Variants in LINGO2 observed in about 807,000 individuals in gnomAD.
LINGO2 encodes the protein leucine rich repeat and Ig domain containing 2, also known as leucine-rich repeat and immunoglobulin-like domain-containing nogo receptor-interacting protein 2.
A neutral mutation model predicts 30.6 loss-of-function variants in LINGO2; 14 were observed. The observed-to-expected ratio is 0.46, with a 90% CI of 0.30 to 0.72. The LOEUF (loss-of-function observed/expected upper bound fraction) is 0.72, where lower values mean the gene tolerates loss of function less well. LINGO2 is among the 30% of genes least tolerant of loss of function. LINGO2 has a pLI of 0.07. For missense variants in LINGO2, 729 were observed against 751.7 expected (o/e 0.97, Z 0.35); for synonymous variants, 317 against 288.5 (o/e 1.10, Z -1.00).
intron 2 of LINGO2, among the ~76,000 whole-genome samples, chr9:28,415,881 T>G (rs1277600185): frequency 6.6e-6 from 1 of 152,172 alleles, no homozygotes; most frequent in African/African-American, 2.4e-5. Context: ...TAATATCTTT[T>G]TAGTATATTT....
chr9:28,747,998 G>A, the LINGO2 span, among the ~76,000 whole-genome samples: 1 of 152,060 alleles, frequency 6.6e-6, no homozygotes, highest in Non-Finnish European at 1.5e-5. Context: ...GCAGGTATCT[G>A]CATACCACAG....
the LINGO2 span, among the ~76,000 whole-genome samples, chr9:29,087,778 G>GAA: frequency 7.3e-4 from 110 of 151,570 alleles, no homozygotes; most frequent in Middle Eastern, 0.01. Context: ...TCATTCCTTG[G>GAA]AAAAAAAAGG....
intron 4 of LINGO2, among the ~76,000 whole-genome samples, chr9:28,143,643 T>G (rs1382615416): frequency 6.6e-6 from 1 of 152,132 alleles, no homozygotes; most frequent in African/African-American, 2.4e-5. Flanking sequence ...AGTTGGTTTT[T>G]GTGTATGAAA....
At chr9:28,459,393 G>C (rs1395856226) in intron 2 of LINGO2, among the ~76,000 whole-genome samples, 1 of 152,086 alleles carries the variant, frequency 6.6e-6, no homozygotes, top group Non-Finnish European at 1.5e-5. Context: ...TTGGTAACAA[G>C]TTGAGAGTCA....
chr9:28,082,841 C>T lies in LINGO2; in HGVS notation c.-86-70436G>A, dbSNP rs140848300. Among the ~76,000 whole-genome samples, 1,373 of 152,158 alleles carry T rather than the reference C, an allele frequency of 9.0e-3. 11 individuals carry two copies. The highest frequency in any genetic ancestry group is 0.024 in the Middle Eastern group (7 of 294). On this transcript the variant is annotated intron_variant, in intron 4 of 5. Transcript: ENST00000379992. Reference sequence around the variant, plus strand: ...TCCTGCCATCTCATTATCCTTCAGTCGGTAAAATCAGAGCCAAAACACTAA... The same window carrying T: ...TCCTGCCATCTCATTATCCTTCAGTTGGTAAAATCAGAGCCAAAACACTAA...
At chr9:28,573,605 C>T (rs1365397749) in intron 1 of LINGO2, among the ~76,000 whole-genome samples, 1 of 152,154 alleles carries the variant, frequency 6.6e-6, no homozygotes, top group African/African-American at 2.4e-5. Context: ...AGGCCTTATA[C>T]TTTCAAGTCT....
At chr9:29,169,066 G>C in the LINGO2 span, among the ~76,000 whole-genome samples, 1 of 152,050 alleles carries the variant, frequency 6.6e-6, no homozygotes. Flanking sequence ...TCCTGCCTCA[G>C]CCTCCTGAGT....
intron 2 of LINGO2, among the ~76,000 whole-genome samples, chr9:28,425,475 C>T (rs1359226816): frequency 2.0e-5 from 3 of 151,810 alleles, no homozygotes; most frequent in Non-Finnish European, 4.4e-5. Flanking sequence ...TCTGATAGTA[C>T]TAAAGAAGTA....
the LINGO2 span, among the ~76,000 whole-genome samples, chr9:29,191,170 T>A: frequency 9.2e-5 from 14 of 152,262 alleles, no homozygotes; most frequent in South Asian, 2.7e-3. Context: ...GGACACCTGA[T>A]AAAATTTAAG....
In LINGO2 at chr9:28,309,597, AC is replaced by A. The variant is rs1391115698; in HGVS notation, c.-245-14232del. On this transcript the variant is annotated intron_variant, in intron 3 of 5. Transcript: ENST00000379992. ...TAAAGTATAATAATAATAAAAAAAA[AC>A]AAAACAAAAATTAGGGTAAGCTAAG... 2.8e-4 allele frequency among the ~76,000 whole-genome samples: 43 copies of A among 152,172 alleles called. No individual in the cohort carries two copies. In the Middle Eastern group the frequency reaches 0.01, roughly 36 times the overall value.
intron 1 of LINGO2, among the ~76,000 whole-genome samples, chr9:28,517,860 TCAAGGTA>T (rs1465184814): frequency 2.0e-5 from 3 of 152,154 alleles, no homozygotes; most frequent in Admixed American, 6.5e-5. Flanking sequence ...TAAATCATCC[TCAAGGTA>T]CAAAGATTCA....
the LINGO2 span, among the ~76,000 whole-genome samples, chr9:28,738,131 G>A: frequency 7.2e-5 from 11 of 152,092 alleles, no homozygotes; most frequent in Non-Finnish European, 1.3e-4. Context: ...AGTGTCCAGA[G>A]AGGACAAGAA....
At chr9:28,371,277 G>A (rs1263115614) in intron 3 of LINGO2, among the ~76,000 whole-genome samples, 1 of 152,178 alleles carries the variant, frequency 6.6e-6, no homozygotes, top group Non-Finnish European at 1.5e-5. Context: ...GAGAACACTA[G>A]TGTTTTAGTT....
At chr9:27,997,494 T>A (rs988475649) in intron 5 of LINGO2, among the ~76,000 whole-genome samples, 17 of 152,082 alleles carry the variant, frequency 1.1e-4, no homozygotes, top group Admixed American at 1.1e-3. Flanking sequence ...CCCTGCCCCT[T>A]GTTGGGCCTC....
the LINGO2 span, among the ~76,000 whole-genome samples, chr9:28,725,437 C>A: frequency 1.3e-5 from 2 of 151,224 alleles, no homozygotes; most frequent in Non-Finnish European, 3.0e-5. Context: ...AATATAAAGG[C>A]AATGAATGAA....
the LINGO2 span, among the ~76,000 whole-genome samples, chr9:28,950,375 A>G: frequency 5.9e-5 from 9 of 152,184 alleles, no homozygotes; most frequent in South Asian, 8.3e-4. Context: ...ATTCAACATA[A>G]TATCGGAAGT....
the LINGO2 span, among the ~76,000 whole-genome samples, chr9:29,104,399 G>A: frequency 6.6e-6 from 1 of 152,042 alleles, no homozygotes; most frequent in Non-Finnish European, 1.5e-5. Context: ...CAGAGCAGGA[G>A]AGAGAGGGCT....
the LINGO2 span, among the ~76,000 whole-genome samples, chr9:28,844,008 T>C: frequency 3.3e-5 from 5 of 151,842 alleles, no homozygotes; most frequent in Non-Finnish European, 4.4e-5. Context: ...CAGTGAATTC[T>C]ATGTACCTGT....
chr9:28,610,873 T>A (rs1437097128), intron 1 of LINGO2, among the ~76,000 whole-genome samples: 2 of 152,192 alleles, frequency 1.3e-5, no homozygotes, highest in Non-Finnish European at 2.9e-5. Context: ...ACCTTTTTTG[T>A]ATGGCAGATC....
Sources: gnomAD v4.1 joint callset for allele counts (sites outside exome capture counted in the v4.1 genomes callset) on GRCh38, gnomAD v4.1.1 for gene constraint, MANE v1.5 for transcripts, NCBI Gene and HGNC (gene_info 2026-07-23, HGNC 2026-07-21) for gene names.